PLEKHA7: variants seen among roughly 807,000 people sequenced by gnomAD.
PLEKHA7 encodes pleckstrin homology domain-containing family A member 7.
A neutral mutation model predicts 170.0 loss-of-function variants in PLEKHA7; 104 were observed. That is an observed-to-expected ratio of 0.61 (90% CI 0.52 to 0.72). The LOEUF is 0.72. Among genes scored for constraint, PLEKHA7 ranks in the 30% least tolerant of loss-of-function variants. The pLI is 0.00. For missense variants in PLEKHA7, 1,615 were observed against 1,671.7 expected, an observed-to-expected ratio of 0.97 and a Z score of 0.59; for synonymous variants, 648 against 660.8, an observed-to-expected ratio of 0.98 and a Z score of 0.30.
At chr11:16,851,157 C>G (rs1437734551) in intron 8 of PLEKHA7, 34 bp downstream of exon 8, 1 of 1,495,074 alleles carries the variant, frequency 6.7e-7, no homozygotes, top group African/African-American at 1.4e-5. Flanking sequence ...GTTTCTTAGA[C>G]AGAATGGCTG....
chr11:16,847,390 C>T (rs1323482484), intron 8 of PLEKHA7, among the ~76,000 whole-genome samples: 1 of 152,148 alleles, frequency 6.6e-6, no homozygotes, highest in Non-Finnish European at 1.5e-5. Context: ...CCACGCCCGG[C>T]CAACTGTGGC....
chr11:16,957,279 A>G (rs1861757082), intron 3 of PLEKHA7, among the ~76,000 whole-genome samples: 1 of 152,242 alleles, frequency 6.6e-6, no homozygotes, highest in African/African-American at 2.4e-5. Context: ...ACTGGAAACA[A>G]TCTCAGTATC....
At chr11:16,783,607 C>T (rs1369997846) in intron 25 of PLEKHA7, 93 bp downstream of exon 25, 18 of 1,284,926 alleles carry the variant, frequency 1.4e-5, no homozygotes, top group Middle Eastern at 2.5e-4. Flanking sequence ...TGGCAAAACA[C>T]GCACCCCAGC....
intron 9 of PLEKHA7, among the ~76,000 whole-genome samples, chr11:16,835,849 T>C (rs748271340): frequency 5.9e-5 from 9 of 152,162 alleles, no homozygotes; most frequent in Non-Finnish European, 1.3e-4. Context: ...GGCCTGGACA[T>C]TGATTACTGA....
At chr11:16,939,805 T>C (rs2136395167) in intron 3 of PLEKHA7, among the ~76,000 whole-genome samples, 1 of 152,304 alleles carries the variant, frequency 6.6e-6, no homozygotes, top group East Asian at 1.9e-4. Flanking sequence ...AGAGAATTTC[T>C]GGTTTGCTGC....
chr11:16,832,185 A>T (rs1851172028), intron 9 of PLEKHA7, among the ~76,000 whole-genome samples: 1 of 152,240 alleles, frequency 6.6e-6, no homozygotes, highest in Admixed American at 6.5e-5. Flanking sequence ...ATTGCATCAC[A>T]GTGCTACTGT....
intron 3 of PLEKHA7, among the ~76,000 whole-genome samples, chr11:16,989,245 T>C (rs1303926223): frequency 6.6e-6 from 1 of 152,192 alleles, no homozygotes; most frequent in Non-Finnish European, 1.5e-5. Context: ...TTTACCTTGT[T>C]AGAGTGGGAA....
At chr11:16,957,198 G>T (rs958282921) in intron 3 of PLEKHA7, among the ~76,000 whole-genome samples, 3 of 152,170 alleles carry the variant, frequency 2.0e-5, no homozygotes, top group African/African-American at 7.2e-5. Context: ...ACATGTTCTT[G>T]TTAATCTGAG....
At chr11:16,957,880 T>A (rs755020163) in intron 3 of PLEKHA7, among the ~76,000 whole-genome samples, 7 of 151,774 alleles carry the variant, frequency 4.6e-5, no homozygotes, top group Non-Finnish European at 1.0e-4. Flanking sequence ...ATTTTTTGTA[T>A]CTTTAGTAGA....
chr11:16,830,318 A>T lies in PLEKHA7; in HGVS notation c.873-3728T>A, dbSNP rs537833689. 5.3e-5 allele frequency among the ~76,000 whole-genome samples: 8 copies of T among 152,204 alleles called. No individual in the cohort carries two copies. The South Asian group carries it at 1.7e-3, about 32-fold the overall frequency. ...TATTATTTCTCACATCCAGGAAACT[A>T]CCCATAGAGGATGTGCTGAGGCTAC... On this transcript the variant is annotated intron_variant, in intron 9 of 26. Coordinates refer to ENST00000531066, the MANE Select transcript of PLEKHA7 (RefSeq NM_001329630.2).
Position 16,801,786 on chromosome 11 carries a change from T to C in PLEKHA7, c.2189A>G (p.His730Arg). The change falls in exon 16 of 27, where the codon CAC becomes CGC. Residue 730 changes from histidine (H) to arginine (R), a missense_variant. Transcript: ENST00000531066. ...DQLESVLEVL[H>R]RQMEQYRDQP... is the part of the protein sequence containing the mutation. The stretch of plus-strand genomic sequence containing the variant: ...GTCTCGGTACTGCTCCATCTGTCTG[T>C]GCAACACCTCCAGCACAGATTCTAG... 6.2e-7 allele frequency: 1 copy of C among 1,614,094 alleles called. No individual in the cohort carries two copies. The highest frequency in any genetic ancestry group is 1.3e-5 in the African/African-American group (1 of 75,020).
intron 3 of PLEKHA7, among the ~76,000 whole-genome samples, chr11:16,973,975 C>G (rs1417031338): frequency 1.3e-5 from 2 of 152,192 alleles, no homozygotes; most frequent in African/African-American, 4.8e-5. Flanking sequence ...CCACCTTCTA[C>G]CAAAGGGTTC....
intron 3 of PLEKHA7, among the ~76,000 whole-genome samples, chr11:16,988,320 C>T (rs1863851201): frequency 6.6e-6 from 1 of 152,176 alleles, no homozygotes; most frequent in African/African-American, 2.4e-5. Context: ...CCCTGGGAGC[C>T]ACATCCAGAG....
intron 3 of PLEKHA7, among the ~76,000 whole-genome samples, chr11:16,874,323 A>C (rs1045099127): frequency 2.0e-5 from 3 of 152,132 alleles, no homozygotes; most frequent in Non-Finnish European, 2.9e-5. Context: ...CCTGGGCAAC[A>C]TGGTGAAACT....
chr11:16,845,228 G>A (rs187866062), intron 8 of PLEKHA7, among the ~76,000 whole-genome samples: 182 of 152,346 alleles, frequency 1.2e-3, no homozygotes, highest in African/African-American at 4.2e-3. Context: ...GAGGAATGGA[G>A]GGGAAAACAG....
intron 13 of PLEKHA7, among the ~76,000 whole-genome samples, chr11:16,806,605 G>A (rs117717360): frequency 7.2e-5 from 11 of 152,332 alleles, no homozygotes; most frequent in Admixed American, 6.5e-5. Context: ...TGCTGTGAGA[G>A]CTGGCCACAT....
At chr11:16,877,672 T>C (rs1855406803) in intron 3 of PLEKHA7, among the ~76,000 whole-genome samples, 1 of 152,210 alleles carries the variant, frequency 6.6e-6, no homozygotes, top group South Asian at 2.1e-4. Flanking sequence ...CAGGCCTTGA[T>C]GAGCCAATCC....
chr11:16,786,807 GC>G, intron 23 of PLEKHA7: 1 of 985,226 alleles, frequency 1.0e-6, no homozygotes, highest in Non-Finnish European at 1.2e-6. Context: ...GCCCTTCAAG[GC>G]CCTGCTAAGC....
At position 16,795,010 on chromosome 11, in the gene PLEKHA7, C is replaced by A. The variant is rs1230133266; in HGVS notation, c.2418G>T (p.Ser806=). ...TTCTCCATAGATCTTTCTGTATCTGCGATTTCTCCTGAGGAAGACGAAGTG... is the reference window on the plus strand; with the variant it reads ...TTCTCCATAGATCTTTCTGTATCTGAGATTTCTCCTGAGGAAGACGAAGTG... ...HRRAFFFQEK[S]QIQKDLWRIE... The change falls in exon 18 of 27, where the codon TCG becomes TCT. Residue 806 remains serine (S), a synonymous_variant. Coordinates refer to ENST00000531066, the MANE Select transcript of PLEKHA7 (RefSeq NM_001329630.2). 6.2e-7 allele frequency: 1 copy of A among 1,611,792 alleles called. No individual in the cohort carries two copies. Among genetic ancestry groups the A allele is most frequent in the Non-Finnish European group, 8.5e-7 (1 of 1,177,962 alleles).
Sources: gnomAD v4.1 joint callset for allele counts (sites outside exome capture counted in the v4.1 genomes callset) on GRCh38, gnomAD v4.1.1 for gene constraint, MANE v1.5 for transcripts, NCBI Gene and HGNC (gene_info 2026-07-23, HGNC 2026-07-21) for gene names.